WDR62: variants seen among roughly 807,000 people sequenced by gnomAD.
The protein encoded by WDR62 is WD repeat-containing protein 62.
Under a neutral mutation model 160.6 loss-of-function variants are expected in WDR62, and 112 were observed. The observed-to-expected ratio is 0.70, with a 90% confidence interval of 0.60 to 0.82. The LOEUF (loss-of-function observed/expected upper bound fraction) is 0.82, where lower values mean the gene tolerates loss of function less well. WDR62 is among the 40% of genes least tolerant of loss of function. The probability of loss-of-function intolerance (pLI) is 0.00; values close to 1 mark genes in which losing one functional copy is unlikely to be tolerated. For missense variants in WDR62, 1,819 were observed against 1,983.8 expected, an observed-to-expected ratio of 0.92 and a Z score of 1.58; for synonymous variants, 792 against 815.1, an observed-to-expected ratio of 0.97 and a Z score of 0.48.
downstream of WDR62, among the ~76,000 whole-genome samples, chr19:36,107,433 C>A (rs951046991): frequency 2.6e-5 from 4 of 152,056 alleles, no homozygotes; most frequent in Non-Finnish European, 5.9e-5. Context: ...CAGAGGGTGA[C>A]AGCAGGAGAG....
At chr19:36,074,020 G>A (rs721542) in intron 9 of WDR62, 91,060 of 322,922 alleles carry the variant, frequency 0.28, 13,669 homozygotes, top group Non-Finnish European at 0.32. Context: ...AGTTGAAGAC[G>A]GGGCATGGTG....
rs1599817943 is a variant in WDR62 at position 36,091,210 on chromosome 19, A to G, written c.2045A>G (p.Asp682Gly). 6.2e-7 allele frequency: 1 copy of G among 1,612,324 alleles called. No homozygotes were observed. Among genetic ancestry groups the G allele is most frequent in the Non-Finnish European group, 8.5e-7 (1 of 1,179,958 alleles). The change falls in exon 17 of 32, where the codon GAC (aspartate) becomes GGC (glycine). Residue 682 changes from aspartate to glycine, a missense_variant. Around this residue, in one of 3 missense-constraint regions of WDR62, gnomAD observed 934 missense variants for 1,157.2 expected, o/e 0.81. Transcript: ENST00000401500. Reference sequence around the variant, plus strand: ...TCCCTTTCCTGGCAGGTCCATGTGGACCCCTCAGGCACCTTCCTGGCCACC... The same window carrying G: ...TCCCTTTCCTGGCAGGTCCATGTGGGCCCCTCAGGCACCTTCCTGGCCACC... Reference protein sequence around the residue: ...DEGSLLKVHVDPSGTFLATSC... With the variant: ...DEGSLLKVHVGPSGTFLATSC...
rs1323557878 is a variant in WDR62 at position 36,101,759 on chromosome 19, C to G, written c.3067C>G (p.Leu1023Val). 1.3e-6 allele frequency: 2 copies of G among 1,551,914 alleles called. No individual in the cohort carries two copies. The highest frequency in any genetic ancestry group is 3.9e-5 in the Admixed American group (2 of 51,128). Residue 1023 changes from leucine to valine, a missense_variant, in exon 25 of 32, where the codon CTG becomes GTG. Around this residue, in one of 3 missense-constraint regions of WDR62, gnomAD observed 770 missense variants for 734.2 expected, o/e 1.05. Transcript: ENST00000401500. The stretch of plus-strand genomic sequence containing the variant: ...CCCTGCCCCTCGGTTTGCCACGTCG[C>G]TGCCCCATTTCCCAGGTAAGCAGGG... ...PDPAPRFATS[L>V]PHFPGCAGPT...
chr19:36,102,943 C>G lies in WDR62; in HGVS notation c.3336-5C>G, dbSNP rs587784555. ...GAATCATCCCCCCTGCTCTCCTCCC[C>G]ACAGGTTCACCCATACCTTCCCTCC... On this transcript the variant is annotated splice_region_variant and splice_polypyrimidine_tract_variant and intron_variant, in intron 27 of 31. Transcript: ENST00000401500. 5.6e-6 allele frequency: 9 copies of G among 1,614,054 alleles called. No individual in the cohort carries two copies. Among genetic ancestry groups the G allele is most frequent in the African/African-American group, 2.7e-5 (2 of 74,942 alleles).
intron 10 of WDR62, 130 bp downstream of exon 10, chr19:36,081,700 AG>A (rs1045593111): frequency 1.6e-6 from 2 of 1,235,384 alleles, no homozygotes; most frequent in African/African-American, 3.0e-5. Context: ...CCGGCAACCA[AG>A]GCAGGTCCCT....
intron 2 of WDR62, among the ~76,000 whole-genome samples, chr19:36,059,427 TTC>T (rs1970530846): frequency 3.3e-5 from 5 of 152,190 alleles, no homozygotes; most frequent in Admixed American, 3.3e-4. Context: ...ACATCCCTCT[TTC>T]TCTCTTTTTG....
At chr19:36,084,522 C>A in intron 11 of WDR62, 131 bp from the exon 12 acceptor site, 1 of 810,642 alleles carries the variant, frequency 1.2e-6, no homozygotes, top group Non-Finnish European at 2.1e-6. Flanking sequence ...AGTGGTTGTG[C>A]ATGTCTAGAG....
chr19:36,059,821 C>A, intron 2 of WDR62, 147 bp from the exon 3 acceptor site: 2 of 810,482 alleles, frequency 2.5e-6, no homozygotes, highest in Middle Eastern at 2.6e-4. Flanking sequence ...GAATTCTCAG[C>A]GTAAACACCT....
At chr19:36,105,114 C>A, downstream of WDR62, 1 of 1,504,610 alleles carries the variant, frequency 6.6e-7, no homozygotes, top group South Asian at 1.2e-5. Flanking sequence ...AGGAATGGTT[C>A]CTGGTGTCTG....
At chr19:36,105,939 TC>T (rs1168291382), downstream of WDR62, among the ~76,000 whole-genome samples, 1 of 152,154 alleles carries the variant, frequency 6.6e-6, no homozygotes, top group East Asian at 1.9e-4. Context: ...CCTTGGGAGA[TC>T]CGCCCACCTC....
In WDR62 at chr19:36,099,542, C is replaced by G; in HGVS notation, c.2664C>G (p.Pro888=). The part of the protein sequence containing the change: ...DAQDLDCYFT[P]MKPESLENSI... ...AGGACCTGGATTGCTACTTTACCCC[C>G]ATGAAGCCCGAGAGTCTGGAGAACT... Residue 888 remains proline, a synonymous_variant, in exon 22 of 32, where the codon CCC becomes CCG. Coordinates refer to ENST00000401500, the MANE Select transcript of WDR62 (RefSeq NM_001083961.2). 2.5e-6 allele frequency: 4 copies of G among 1,614,212 alleles called. No individual in the cohort carries two copies. Among genetic ancestry groups the G allele is most frequent in the Non-Finnish European group, 2.5e-6 (3 of 1,180,048 alleles).
chr19:36,090,490 C>T lies in WDR62; in HGVS notation c.2004C>T (p.Gly668=), dbSNP rs1404995314. The T allele has an allele frequency of 5.0e-6, 8 of 1,614,142 alleles. No individual in the cohort carries two copies. Among genetic ancestry groups the T allele is most frequent in the Non-Finnish European group, 6.8e-6 (8 of 1,180,008 alleles). ...VNGKQKKCYK[G]SQGDEGSLLK... ...GGAAGCAGAAGAAGTGCTACAAGGG[C>T]TCCCAGGGTGACGAAGGGTCCTTGC... Residue 668 remains glycine (G), a synonymous_variant, in exon 16 of 32, where the codon GGC becomes GGT. Coordinates refer to ENST00000401500, the MANE Select transcript of WDR62 (RefSeq NM_001083961.2).
intron 21 of WDR62, among the ~76,000 whole-genome samples, chr19:36,098,054 G>A (rs1442694959): frequency 2.0e-5 from 3 of 151,760 alleles, no homozygotes; most frequent in Non-Finnish European, 2.9e-5. Flanking sequence ...TAAAAGCCAC[G>A]AGGCCAGGAG....
At chr19:36,110,675 C>A in the WDR62 span, among the ~76,000 whole-genome samples, 11 of 152,114 alleles carry the variant, frequency 7.2e-5, no homozygotes, top group Non-Finnish European at 1.0e-4. Flanking sequence ...CCTGAGGATG[C>A]ACAGCCTGGA....
At chr19:36,084,881 A>C (rs1341097327) in intron 12 of WDR62, 137 bp downstream of exon 12, 4 of 793,852 alleles carry the variant, frequency 5.0e-6, no homozygotes, top group Non-Finnish European at 8.4e-6. Flanking sequence ...GGGCCCCTGT[A>C]GCTGGACCCT....
At chr19:36,094,224 C>T (rs1972816231) in intron 20 of WDR62, 60 bp downstream of exon 20, 1 of 1,606,256 alleles carries the variant, frequency 6.2e-7, no homozygotes, top group African/African-American at 1.3e-5. Context: ...CTGGGTTTTG[C>T]CCATGACCTT....
chr19:36,096,961 C>T (rs1178406315), intron 20 of WDR62, 66 bp from the exon 21 acceptor site: 22 of 1,484,738 alleles, frequency 1.5e-5, no homozygotes, highest in Admixed American at 5.8e-5. Context: ...GGGGACTGCC[C>T]GGTTATGTAT....
downstream of WDR62, among the ~76,000 whole-genome samples, chr19:36,105,730 G>C (rs532662341): frequency 6.6e-6 from 1 of 152,110 alleles, no homozygotes; most frequent in Non-Finnish European, 1.5e-5. Context: ...ATGGAATCTT[G>C]CTGTGTCATC....
At chr19:36,109,472 G>A (rs186500817), downstream of WDR62, among the ~76,000 whole-genome samples, 2 of 152,194 alleles carry the variant, frequency 1.3e-5, no homozygotes, top group African/African-American at 2.4e-5. Context: ...AATGGCTCAC[G>A]CCTGTAATCC....
Sources: allele counts gnomAD v4.1 joint callset (sites outside exome capture counted in the v4.1 genomes callset), GRCh38; gene constraint gnomAD v4.1.1; regional missense constraint gnomAD v4.1.1; transcripts MANE v1.5; gene names NCBI Gene and HGNC (gene_info 2026-07-23, HGNC 2026-07-21).